REPS1: variants seen among roughly 807,000 people sequenced by gnomAD.
REPS1 encodes RALBP1 associated Eps domain containing 1.
In REPS1, 39 loss-of-function variants were observed where a neutral mutation model predicts 100.9. The observed-to-expected ratio is 0.39, with a 90% CI of 0.30 to 0.50. REPS1 has a LOEUF of 0.50. Ranked by LOEUF, REPS1 falls within the 20% of genes least tolerant of loss-of-function variation. The pLI is 0.86. For missense variants in REPS1, 821 were observed against 968.5 expected (o/e 0.85, Z 2.02); for synonymous variants, 324 against 340.3 (o/e 0.95, Z 0.53).
chr6:138,969,859 ATTTTTTTTTT>A (rs56070030), intron 1 of REPS1, among the ~76,000 whole-genome samples: 5 of 94,638 alleles, frequency 5.3e-5, no homozygotes, highest in Non-Finnish European at 5.8e-5. Context: ...GTGAATTGGG[ATTTTTTTTTT>A]TTTTTTTTTT....
At chr6:138,940,755 A>G (rs1782195843) in intron 8 of REPS1, among the ~76,000 whole-genome samples, 2 of 151,960 alleles carry the variant, frequency 1.3e-5, no homozygotes, top group Non-Finnish European at 2.9e-5. Context: ...AAAAAAAAGA[A>G]AAAAGAAAAA....
At chr6:138,906,480 G>A (rs11965331) in intron 19 of REPS1, among the ~76,000 whole-genome samples, 11,132 of 152,120 alleles carry the variant, frequency 0.073, 782 homozygotes, top group East Asian at 0.21. Flanking sequence ...AAAGTGTCTC[G>A]ATTTGGATGG....
chr6:138,909,417 A>G (rs1206409554), intron 17 of REPS1, among the ~76,000 whole-genome samples: 1 of 152,250 alleles, frequency 6.6e-6, no homozygotes, highest in African/African-American at 2.4e-5. Flanking sequence ...AACAATAGTC[A>G]ACTGCTATCT....
intron 7 of REPS1, among the ~76,000 whole-genome samples, chr6:138,942,396 T>C (rs1005293651): frequency 9.9e-5 from 15 of 152,162 alleles, no homozygotes; most frequent in African/African-American, 3.6e-4. Flanking sequence ...TATAGAGAAA[T>C]AACATTGATA....
chr6:138,975,630 C>T (rs1277916687), intron 1 of REPS1, among the ~76,000 whole-genome samples: 1 of 152,038 alleles, frequency 6.6e-6, no homozygotes, highest in Non-Finnish European at 1.5e-5. Context: ...GTTAGGAGTT[C>T]GAGACCAGCC....
chr6:138,981,571 A>C (rs1784954056), intron 1 of REPS1, among the ~76,000 whole-genome samples: 1 of 152,218 alleles, frequency 6.6e-6, no homozygotes, highest in Non-Finnish European at 1.5e-5. Context: ...TATTCCTCAA[A>C]GAATGTCAAA....
chr6:138,951,582 G>A (rs895718638), intron 1 of REPS1, among the ~76,000 whole-genome samples: 1 of 152,210 alleles, frequency 6.6e-6, no homozygotes, highest in African/African-American at 2.4e-5. Context: ...TGGAGTTGGT[G>A]TTATATTGGC....
At position 138,987,614 on chromosome 6, in the gene REPS1, A is replaced by C; in HGVS notation, c.69T>G (p.Ile23Met). ...TGACCACCACCTTCTTGGTGCTCTC[A>C]ATGTCGCAGTAGGAGAAGAGATCTG... is the stretch of plus-strand genomic sequence containing the variant. ...YYSDLFSYCD[I>M]ESTKKVVVNG... Residue 23 changes from isoleucine to methionine, a missense_variant, in exon 1 of 20, where the codon ATT becomes ATG. This residue lies in a region of REPS1 where 36 missense variants were observed against 36.7 expected (regional missense o/e 0.98). Transcript: ENST00000450536. 6.4e-7 allele frequency: 1 copy of C among 1,551,058 alleles called. No homozygotes were observed. The highest frequency in any genetic ancestry group is 2.4e-5 in the East Asian group (1 of 40,858).
chr6:138,945,203 A>G lies in REPS1; in HGVS notation c.628+16T>C, dbSNP rs754681813. ...GGGCAACACAATGACACTCTAATCA[A>G]TCAATCTCTAAATACCTGATTGTGC... is the stretch of plus-strand genomic sequence containing the variant. On this transcript the variant is annotated intron_variant, in intron 4 of 19. Coordinates refer to ENST00000450536, the MANE Select transcript of REPS1 (RefSeq NM_001286611.2). 14 of 1,589,108 alleles carry G rather than the reference A, an allele frequency of 8.8e-6. No homozygotes were observed. Among genetic ancestry groups the G allele is most frequent in the South Asian group, 2.3e-5 (2 of 87,256 alleles).
chr6:138,936,357 A>C (rs1222200277), intron 8 of REPS1, among the ~76,000 whole-genome samples: 2 of 151,896 alleles, frequency 1.3e-5, no homozygotes, highest in South Asian at 2.1e-4. Flanking sequence ...CCAAAACCAT[A>C]ATCTTTTAAA....
At position 138,917,535 on chromosome 6, in the gene REPS1, T is replaced by C; in HGVS notation, c.1601+20A>G. ...GCAGCAAGATAGTTTAACATGCTTTTCATTGACAGAAATACTGACCTTTGA... is the reference window on the plus strand; with the variant it reads ...GCAGCAAGATAGTTTAACATGCTTTCCATTGACAGAAATACTGACCTTTGA... On this transcript the variant is annotated intron_variant, in intron 13 of 19. Coordinates refer to ENST00000450536, the MANE Select transcript of REPS1 (RefSeq NM_001286611.2). 1 of 1,584,202 alleles carries C rather than the reference T, an allele frequency of 6.3e-7. No homozygotes were observed. The highest frequency in any genetic ancestry group is 8.7e-7 in the Non-Finnish European group (1 of 1,153,090).
Position 138,908,811 on chromosome 6 carries a change from T to C in REPS1, c.2073A>G (p.Lys691=), listed in dbSNP as rs760023860. The change falls in exon 18 of 20, where the codon AAA becomes AAG. Residue 691 remains lysine, a synonymous_variant. Coordinates refer to ENST00000450536, the MANE Select transcript of REPS1 (RefSeq NM_001286611.2). ...TAASAPANVS[K]GTTPLAPPPK... is the part of the protein sequence containing the mutation. ...GTGGTGGAGCAAGTGGTGTTGTGCC[T>C]TTGCTCTTTAAGACAAGAATTCCAT... 1.2e-6 allele frequency: 2 copies of C among 1,612,744 alleles called. No individual in the cohort carries two copies. Among genetic ancestry groups the C allele is most frequent in the Admixed American group, 1.7e-5 (1 of 59,686 alleles).
chr6:138,909,986 G>A (rs776488987), intron 17 of REPS1, among the ~76,000 whole-genome samples: 7 of 152,202 alleles, frequency 4.6e-5, no homozygotes, highest in Non-Finnish European at 1.0e-4. Flanking sequence ...CAAAGGGAAA[G>A]TGTGCTGATA....
chr6:138,958,004 A>T (rs1455305288), intron 1 of REPS1, among the ~76,000 whole-genome samples: 2 of 152,240 alleles, frequency 1.3e-5, no homozygotes, highest in Non-Finnish European at 2.9e-5. Context: ...AGAAAGGTCA[A>T]AGGAAAAGGC....
At chr6:138,907,678 T>C in intron 18 of REPS1, 78 bp from the exon 19 acceptor site, 1 of 908,224 alleles carries the variant, frequency 1.1e-6, no homozygotes, top group East Asian at 2.4e-5. Flanking sequence ...TCCTGATCTA[T>C]TTCTAAACAT....
intron 8 of REPS1, chr6:138,934,281 C>T (rs1781664201): frequency 4.3e-6 from 2 of 469,052 alleles, no homozygotes; most frequent in Non-Finnish European, 4.4e-6. Context: ...CCCTGCCTCC[C>T]TCCTGTGGGT....
chr6:138,978,447 G>A (rs1784725957), intron 1 of REPS1, among the ~76,000 whole-genome samples: 1 of 150,970 alleles, frequency 6.6e-6, no homozygotes, highest in Middle Eastern at 3.4e-3. Context: ...GGGACCACAG[G>A]TGCACACCAC....
intron 9 of REPS1, chr6:138,929,244 G>A (rs996963055): frequency 6.6e-6 from 1 of 152,178 alleles, no homozygotes; most frequent in African/African-American, 2.4e-5. Context: ...AGCTCTCCAG[G>A]GCACTAAAAT....
intron 1 of REPS1, among the ~76,000 whole-genome samples, chr6:138,987,190 T>C (rs1402543355): frequency 4.6e-5 from 7 of 152,260 alleles, no homozygotes; most frequent in African/African-American, 1.7e-4. Flanking sequence ...AAAAGCTCTC[T>C]ATATGCCAGG....
Sources: allele counts gnomAD v4.1 joint callset (sites outside exome capture counted in the v4.1 genomes callset), GRCh38; gene constraint gnomAD v4.1.1; regional missense constraint gnomAD v4.1.1; transcripts MANE v1.5; gene names NCBI Gene and HGNC (gene_info 2026-07-23, HGNC 2026-07-21).